IQSEC1: variants seen among roughly 807,000 people sequenced by gnomAD.
IQSEC1 encodes the protein IQ motif and Sec7 domain ArfGEF 1.
A neutral mutation model predicts 91.0 loss-of-function variants in IQSEC1; 31 were observed. The observed-to-expected ratio is 0.34, with a 90% CI of 0.26 to 0.46. The LOEUF (loss-of-function observed/expected upper bound fraction) is 0.46. IQSEC1 is among the 20% of genes least tolerant of loss of function. IQSEC1 has a pLI of 1.00. For synonymous variants in IQSEC1, 699 were observed against 662.6 expected, an observed-to-expected ratio of 1.05 and a Z score of -0.84; for missense variants, 1,388 against 1,575.6, an observed-to-expected ratio of 0.88 and a Z score of 2.02.
chr3:13,227,393 AAAAG>A (rs1553576761), intron 1 of IQSEC1, among the ~76,000 whole-genome samples: 10 of 140,898 alleles, frequency 7.1e-5, no homozygotes, highest in East Asian at 1.9e-4. Flanking sequence ...AAAAAAAAAA[AAAAG>A]AAAGAAAGAA....
intron 1 of IQSEC1, among the ~76,000 whole-genome samples, chr3:13,232,574 G>A (rs1391818466): frequency 1.3e-5 from 2 of 152,234 alleles, no homozygotes; most frequent in Non-Finnish European, 2.9e-5. Context: ...CCGGCTGCAG[G>A]TCTGGGGAGA....
intron 2 of IQSEC1, among the ~76,000 whole-genome samples, chr3:13,088,566 G>T (rs1262169569): frequency 1.3e-5 from 2 of 152,002 alleles, no homozygotes; most frequent in East Asian, 3.9e-4. Context: ...CCTTGATTCA[G>T]CTCTCAGCCA....
At chr3:13,155,613 A>C (rs1707074229) in intron 2 of IQSEC1, among the ~76,000 whole-genome samples, 1 of 152,222 alleles carries the variant, frequency 6.6e-6, no homozygotes, top group South Asian at 2.1e-4. Context: ...AGTGCTTCCT[A>C]CATCATTCTG....
intron 2 of IQSEC1, among the ~76,000 whole-genome samples, chr3:13,085,297 C>A (rs1705716773): frequency 6.6e-6 from 1 of 152,074 alleles, no homozygotes; most frequent in African/African-American, 2.4e-5. Flanking sequence ...TAGGAGGATG[C>A]TGACTTCAGC....
In IQSEC1 at chr3:13,211,021, G is replaced by C. The variant is rs540070194; in HGVS notation, c.273-46888C>G. On this transcript the variant is annotated intron_variant, in intron 1 of 15. Coordinates refer to the IQSEC1 transcript ENST00000648114. This position sits in a 1 kb window ranked among gnomAD's most constrained non-coding sequence, Gnocchi z 5.3. ...CTGTACTATCACTTGAGAGAGACAA[G>C]AGTCTGCTAGAAGGTAGAGACCTTG... is the stretch of plus-strand genomic sequence containing the variant. Among the ~76,000 whole-genome samples, 1 of 152,356 alleles carries C rather than the reference G, an allele frequency of 6.6e-6. No homozygotes were observed. Among genetic ancestry groups the C allele is most frequent in the East Asian group, 1.9e-4 (1 of 5,188 alleles).
intron 1 of IQSEC1, among the ~76,000 whole-genome samples, chr3:12,974,999 G>A (rs1490760678): frequency 2.0e-5 from 3 of 152,226 alleles, no homozygotes; most frequent in East Asian, 3.8e-4. Context: ...TCCCAGCCCC[G>A]CTATGTGACC....
chr3:13,120,481 T>C (rs1212490888), intron 2 of IQSEC1, among the ~76,000 whole-genome samples: 1 of 152,128 alleles, frequency 6.6e-6, no homozygotes, highest in Non-Finnish European at 1.5e-5. Flanking sequence ...GAAAGTAACC[T>C]CTCTGGGCTC....
At chr3:13,173,376 A>G (rs558407280) in intron 1 of IQSEC1, among the ~76,000 whole-genome samples, 1 of 152,204 alleles carries the variant, frequency 6.6e-6, no homozygotes, top group Non-Finnish European at 1.5e-5. Flanking sequence ...ACTAAATAGG[A>G]CCTCAGCACC....
intron 3 of IQSEC1, among the ~76,000 whole-genome samples, chr3:12,930,960 T>C (rs1009934275): frequency 2.6e-5 from 4 of 152,126 alleles, no homozygotes; most frequent in African/African-American, 9.7e-5. Context: ...AGGTGCCACT[T>C]CCAGCCTTTC....
chr3:13,146,467 G>C (rs981458634), intron 2 of IQSEC1, among the ~76,000 whole-genome samples: 1 of 152,142 alleles, frequency 6.6e-6, no homozygotes, highest in African/African-American at 2.4e-5. Flanking sequence ...GACACGGTGG[G>C]CGGGCAGTGA....
intron 2 of IQSEC1, among the ~76,000 whole-genome samples, chr3:13,126,646 T>C (rs1209508604): frequency 6.6e-6 from 1 of 152,248 alleles, no homozygotes; most frequent in Non-Finnish European, 1.5e-5. Context: ...CACCAGCAGA[T>C]GATGAAAGTT....
intron 1 of IQSEC1, among the ~76,000 whole-genome samples, chr3:12,999,186 A>C (rs1702330087): frequency 6.6e-6 from 1 of 152,076 alleles, no homozygotes; most frequent in Non-Finnish European, 1.5e-5. Flanking sequence ...TCTGAGCCTC[A>C]AGGTCCCCTC....
intron 5 of IQSEC1, among the ~76,000 whole-genome samples, chr3:12,921,542 T>A (rs1696631981): frequency 6.6e-6 from 1 of 152,270 alleles, no homozygotes; most frequent in African/African-American, 2.4e-5. Context: ...TGTGCCCACA[T>A]GTCCTGTGTC....
At chr3:13,087,736 A>G (rs1403078886) in intron 2 of IQSEC1, among the ~76,000 whole-genome samples, 1 of 152,226 alleles carries the variant, frequency 6.6e-6, no homozygotes, top group Non-Finnish European at 1.5e-5. Flanking sequence ...TATTACTCAC[A>G]GAGACTTATT....
chr3:13,215,040 G>A (rs778783486), intron 1 of IQSEC1, among the ~76,000 whole-genome samples: 16 of 152,128 alleles, frequency 1.1e-4, no homozygotes, highest in Non-Finnish European at 2.4e-4. Context: ...TGAATGCAAA[G>A]GCTGCAGAGG....
chr3:13,096,524 T>G (rs181980603), intron 2 of IQSEC1, among the ~76,000 whole-genome samples: 56 of 152,280 alleles, frequency 3.7e-4, no homozygotes, highest in African/African-American at 1.3e-3. Context: ...GACTTAGCAT[T>G]GGGAAGACAC....
intron 1 of IQSEC1, among the ~76,000 whole-genome samples, chr3:13,274,451 C>T (rs1329305326): frequency 6.6e-6 from 1 of 152,118 alleles, no homozygotes; most frequent in Non-Finnish European, 1.5e-5. Context: ...ACGGAGGGGG[C>T]GGGCTCAGGC....
chr3:13,270,910 C>T (rs1695580474), intron 1 of IQSEC1, among the ~76,000 whole-genome samples: 2 of 152,018 alleles, frequency 1.3e-5, no homozygotes, highest in Admixed American at 1.3e-4. Context: ...ACTTTAGATT[C>T]AAAGACACAA....
chr3:12,948,918 G>A (rs1373399397), intron 1 of IQSEC1, among the ~76,000 whole-genome samples: 1 of 152,206 alleles, frequency 6.6e-6, no homozygotes, highest in Non-Finnish European at 1.5e-5. Context: ...ACACATGTAT[G>A]TACACACATA....
Sources: allele counts gnomAD v4.1 joint callset (sites outside exome capture counted in the v4.1 genomes callset), GRCh38; gene constraint gnomAD v4.1.1; non-coding constraint Gnocchi (gnomAD v3.1); transcripts MANE v1.5; gene names NCBI Gene and HGNC (gene_info 2026-07-23, HGNC 2026-07-21).